Variants in TTN observed in about 807,000 individuals in gnomAD.
The protein encoded by TTN is connectin.
TTN carries 1,525 observed loss-of-function variants against 3,223.0 expected under a neutral mutation model. That is an observed-to-expected ratio of 0.47 (90% CI 0.45 to 0.49). The LOEUF is 0.49. TTN is among the 20% of genes least tolerant of loss of function. The probability of loss-of-function intolerance (pLI) is 0.00; values close to 1 mark genes in which losing one functional copy is unlikely to be tolerated. For synonymous variants in TTN, 14,094 were observed against 15,161.0 expected (o/e 0.93, Z 5.17); for missense variants, 40,786 against 43,424.0 (o/e 0.94, Z 5.40).
At chr2:178,595,321 C>T (rs2051255620) in intron 295 of TTN, among the ~76,000 whole-genome samples, 186 bp downstream of exon 295, 1 of 151,540 alleles carries the variant, frequency 6.6e-6, no homozygotes, top group Non-Finnish European at 1.5e-5. Context: ...ATGAATTATA[C>T]ATATTTGTAA....
chr2:178,570,770 A>G lies in TTN; in HGVS notation c.75362T>C (p.Ile25121Thr), dbSNP rs751021006. The part of the protein sequence containing the change: ...ISMDPKYKDT[I>T]VVHAGESFKV... ...GAATGATTCACCAGCATGAACCACG[A>G]TTGTGTCTTTGTATTTTGGATCCAT... is the stretch of plus-strand genomic sequence containing the variant. Residue 25121 changes from isoleucine to threonine, a missense_variant, in exon 326 of 363, where the codon ATC becomes ACC. Transcript: ENST00000589042. 6.2e-7 allele frequency: 1 copy of G among 1,613,462 alleles called. No homozygotes were observed. The highest frequency in any genetic ancestry group is 2.2e-5 in the East Asian group (1 of 44,832).
chr2:178,770,879 T>C lies in TTN; in HGVS notation c.8117-204A>G, dbSNP rs916401576. ...ACTGGACATGTACATCGTGAAATGA[T>C]TTTTCTATGCTTTAGTAGTATGAAG... On this transcript the variant is annotated intron_variant, in intron 34 of 362. Transcript: ENST00000589042. 1.1e-5 allele frequency: 9 copies of C among 837,184 alleles called. No homozygotes were observed. The African/African-American group carries it at 1.5e-4, about 14-fold the overall frequency. 51.9% of individuals were successfully genotyped at this position (837,184 alleles called of 1,614,324 possible).
At chr2:178,688,600 C>T (rs2071481169) in intron 126 of TTN, 77 bp downstream of exon 126, 2 of 995,998 alleles carry the variant, frequency 2.0e-6, no homozygotes, top group Non-Finnish European at 1.6e-6. Context: ...CTAAAGTAAA[C>T]AATCACATGT....
chr2:178,621,095 A>G lies in TTN; in HGVS notation c.45616+7T>C. The G allele has an allele frequency of 6.2e-7, 1 of 1,611,030 alleles. No individual in the cohort carries two copies. The highest frequency in any genetic ancestry group is 8.5e-7 in the Non-Finnish European group (1 of 1,178,896). ...ACAAAAAACCCTAAAAGCAAGAACA[A>G]ACTTACCAATGACTGTCAAGTGAGC... is the stretch of plus-strand genomic sequence containing the variant. On this transcript the variant is annotated splice_region_variant and intron_variant, in intron 246 of 362. Transcript: ENST00000589042.
Position 178,790,782 on chromosome 2 carries a change from T to C in TTN, c.1726A>G (p.Lys576Glu). 1 of 1,614,180 alleles carries C rather than the reference T, an allele frequency of 6.2e-7. No individual in the cohort carries two copies. The highest frequency in any genetic ancestry group is 8.5e-7 in the Non-Finnish European group (1 of 1,180,014). Residue 576 changes from lysine (K) to glutamate (E), a missense_variant, in exon 11 of 363, where the codon AAA becomes GAA. Lys to Glu is a moderately conservative substitution (Grantham distance 56, BLOSUM62 1). Transcript: ENST00000589042. ...TGAGCTCCCGGGACTGTTTCTAGTTTTGTGGACTTTGCAGTGGCAACTACC... is the reference window on the plus strand; with the variant it reads ...TGAGCTCCCGGGACTGTTTCTAGTTCTGTGGACTTTGCAGTGGCAACTACC... ...MVVVATAKSTKLETVPGAQEE... is the reference protein window; with the variant it reads ...MVVVATAKSTELETVPGAQEE...
At chr2:178,613,975 T>G in intron 262 of TTN, 38 bp from the exon 263 acceptor site, 1 of 1,608,624 alleles carries the variant, frequency 6.2e-7, no homozygotes, top group Non-Finnish European at 8.5e-7. Context: ...TTATATGTCC[T>G]GTATATAAAT....
At chr2:178,760,257 C>T (rs536634883) in intron 43 of TTN, among the ~76,000 whole-genome samples, 41 of 152,290 alleles carry the variant, frequency 2.7e-4, no homozygotes, top group African/African-American at 4.6e-4. Context: ...CCTGGCCAGG[C>T]GCGGTGCTTC....
rs764000638 is a variant in TTN, at chr2:178,630,375, A to G, written c.44155-8T>C. 1 of 1,588,712 alleles carries G rather than the reference A, an allele frequency of 6.3e-7. No homozygotes were observed. Among genetic ancestry groups the G allele is most frequent in the Non-Finnish European group, 8.5e-7 (1 of 1,173,346 alleles). Reference sequence around the variant, plus strand: ...TTCCTTAATTTCACAATCCTGTACCAACAAAACAGAAAAACTTTCATAGAA... The same window carrying G: ...TTCCTTAATTTCACAATCCTGTACCGACAAAACAGAAAAACTTTCATAGAA... On this transcript the variant is annotated splice_region_variant and splice_polypyrimidine_tract_variant and intron_variant, in intron 238 of 362. Transcript: ENST00000589042.
intron 40 of TTN, among the ~76,000 whole-genome samples, chr2:178,766,978 T>C (rs763806994): frequency 6.6e-6 from 1 of 152,248 alleles, no homozygotes; most frequent in Admixed American, 6.5e-5. Context: ...TGATTTCATT[T>C]TATATGAATA....
intron 11 of TTN, 86 bp from the exon 12 acceptor site, chr2:178,790,201 C>CAAA: frequency 6.9e-7 from 1 of 1,444,388 alleles, no homozygotes; most frequent in Non-Finnish European, 9.3e-7. Context: ...AGAAAGGAGG[C>CAAA]AAAATTTCTT....
chr2:178,641,941 G>A (rs1249455942), intron 219 of TTN, among the ~76,000 whole-genome samples: 1 of 151,614 alleles, frequency 6.6e-6, no homozygotes, highest in Non-Finnish European at 1.5e-5. Context: ...TACATAATTT[G>A]GTTATGAAAA....
Position 178,575,702 on chromosome 2 carries a change from G to T in TTN, c.70430C>A (p.Ala23477Glu). 1 of 1,613,506 alleles carries T rather than the reference G, an allele frequency of 6.2e-7. No individual in the cohort carries two copies. Among genetic ancestry groups the T allele is most frequent in the Non-Finnish European group, 8.5e-7 (1 of 1,179,640 alleles). ...GGCTGTGGAATAAGATTTCCGTGTT[G>T]CTTCACGTTTCTCTACAATGTAGTT... ...ITNYIVEKRE[A>E]TRKSYSTATT... The change falls in exon 326 of 363, where the codon GCA (alanine) becomes GAA (glutamate). Residue 23477 changes from alanine to glutamate, a missense_variant. Ala to Glu is a moderately radical substitution (Grantham distance 107). Transcript: ENST00000589042. The surrounding 1 kb of genome is among the most constrained non-coding windows in gnomAD (Gnocchi z 4.0).
intron 6 of TTN, 75 bp downstream of exon 6, chr2:178,799,412 G>A (rs980319831): frequency 1.2e-5 from 20 of 1,608,866 alleles, no homozygotes; most frequent in Admixed American, 1.7e-5. Flanking sequence ...CTGCGAGGGG[G>A]ACAAGGGAAT....
Position 178,729,141 on chromosome 2 carries a change from T to C in TTN, c.18897A>G (p.Glu6299=). 1 of 1,592,864 alleles carries C rather than the reference T, an allele frequency of 6.3e-7. No homozygotes were observed. The highest frequency in any genetic ancestry group is 8.5e-7 in the Non-Finnish European group (1 of 1,169,934). ...AACTTTTCAAAACAGTAGTGGTATT[T>C]TCTATCTTCTTAATGAATGATGGTG... ...KEPPSFIKKI[E]NTTTVLKSSA... is the part of the protein sequence containing the mutation. Residue 6299 remains glutamate (E), a synonymous_variant, in exon 65 of 363, where the codon GAA becomes GAG. Coordinates refer to ENST00000589042, the MANE Select transcript of TTN (RefSeq NM_001267550.2).
At position 178,669,425 on chromosome 2, in the gene TTN, A is replaced by T. The variant is rs1553803616; in HGVS notation, c.35493T>A (p.Ser11831Arg). 1.3e-6 allele frequency: 2 copies of T among 1,527,614 alleles called. No individual in the cohort carries two copies. Among genetic ancestry groups the T allele is most frequent in the East Asian group, 4.7e-5 (2 of 42,470 alleles). 94.6% of individuals were successfully genotyped at this position (1,527,614 alleles called of 1,614,324 possible). The change falls in exon 159 of 363, where the codon AGT (serine) becomes AGA (arginine). Residue 11831 changes from serine to arginine, a missense_variant. By Grantham distance (110) the Ser-to-Arg change is moderately radical (BLOSUM62 -1). Coordinates refer to ENST00000589042, the MANE Select transcript of TTN (RefSeq NM_001267550.2). ...CAATAGGTGATTTTTCTTCTTGAAC[A>T]CTTTTCTTAGGCATCCCAGGAACTT... The part of the protein sequence containing the change: ...PAKVPGMPKK[S>R]VQEEKSPIVI...
chr2:178,572,264 A>G lies in TTN; in HGVS notation c.73868T>C (p.Ile24623Thr), dbSNP rs746596254. The G allele has an allele frequency of 1.9e-6, 3 of 1,612,764 alleles. No homozygotes were observed. The highest frequency in any genetic ancestry group is 2.2e-5 in the East Asian group (1 of 44,730). The change falls in exon 326 of 363, where the codon ATA (isoleucine) becomes ACA (threonine). Residue 24623 changes from isoleucine (I) to threonine (T), a missense_variant. Physicochemically the swap from Ile to Thr is moderately conservative, Grantham distance 89. Coordinates refer to ENST00000589042, the MANE Select transcript of TTN (RefSeq NM_001267550.2). Reference protein sequence around the residue: ...ASERPLPPGKITLMDVTRNSV... With the variant: ...ASERPLPPGKTTLMDVTRNSV... ...ATTTCTTGTGACATCCATCAAAGTT[A>G]TTTTTCCTGGAGGAAGAGGTCGTTC...
intron 206 of TTN, 62 bp downstream of exon 206, chr2:178,651,604 C>T (rs1300901231): frequency 1.8e-5 from 29 of 1,611,764 alleles, no homozygotes; most frequent in Non-Finnish European, 2.5e-5. Context: ...TGAAGCAGAA[C>T]AGTAGAATAT....
chr2:178,699,594 G>C (rs1383872268), intron 111 of TTN, among the ~76,000 whole-genome samples: 1 of 145,148 alleles, frequency 6.9e-6, no homozygotes, highest in Non-Finnish European at 1.5e-5. Flanking sequence ...TGTATTTTTA[G>C]TAGAGACGGG....
At position 178,713,332 on chromosome 2, in the gene TTN, C is replaced by T. The variant is rs2076941190; in HGVS notation, c.26802G>A (p.Glu8934=). The T allele has an allele frequency of 6.4e-7, 1 of 1,561,752 alleles. No homozygotes were observed. The highest frequency in any genetic ancestry group is 8.7e-7 in the Non-Finnish European group (1 of 1,151,280). The change falls in exon 93 of 363, where the codon GAG becomes GAA. Residue 8934 remains glutamate, a synonymous_variant. Coordinates refer to ENST00000589042, the MANE Select transcript of TTN (RefSeq NM_001267550.2). ...VPPSFTRKLK[E]TNGLSGSSVV... ...CTGAGGAGCCGGATAGACCATTTGTCTCTTTCAATTTTCTTGTGAATGAAG... is the reference window on the plus strand; with the variant it reads ...CTGAGGAGCCGGATAGACCATTTGTTTCTTTCAATTTTCTTGTGAATGAAG...
Sources: allele counts gnomAD v4.1 joint callset (sites outside exome capture counted in the v4.1 genomes callset), GRCh38; gene constraint gnomAD v4.1.1; non-coding constraint Gnocchi (gnomAD v3.1); transcripts MANE v1.5; gene names NCBI Gene and HGNC (gene_info 2026-07-23, HGNC 2026-07-21).